Variants in PARD3 observed in about 807,000 individuals in gnomAD.
PARD3 encodes the protein par-3 family cell polarity regulator.
PARD3 carries 75 observed loss-of-function variants against 155.4 expected under a neutral mutation model. That is an observed-to-expected ratio of 0.48 (90% confidence interval 0.40 to 0.58). PARD3 has a LOEUF of 0.58. Ranked by LOEUF, PARD3 falls within the 20% of genes least tolerant of loss-of-function variation. The probability of loss-of-function intolerance (pLI) is 0.00; values close to 1 mark genes in which losing one functional copy is unlikely to be tolerated. For missense variants in PARD3, 1,642 were observed against 1,721.7 expected (o/e 0.95, Z 0.82); for synonymous variants, 576 against 610.5 (o/e 0.94, Z 0.83).
At chr10:34,360,442 C>T (rs1329685205) in intron 12 of PARD3, among the ~76,000 whole-genome samples, 183 bp from the exon 13 acceptor site, 1 of 152,164 alleles carries the variant, frequency 6.6e-6, no homozygotes, top group Non-Finnish European at 1.5e-5. Context: ...TTGGAACCAG[C>T]TGTTAATATT....
chr10:34,286,190 C>A lies in PARD3; in HGVS notation c.3066-1945G>T, dbSNP rs1025719461. The stretch of plus-strand genomic sequence containing the variant: ...GAAAAAATATTAAAAACTGATACAT[C>A]TCAGGAGAAGTCAACAACTAAAACT... On this transcript the variant is annotated intron_variant, in intron 20 of 24. Transcript: ENST00000374788. Among the ~76,000 whole-genome samples, 6 of 152,298 alleles carry A rather than the reference C, an allele frequency of 3.9e-5. No homozygotes were observed. The South Asian group carries it at 8.3e-4, about 21-fold the overall frequency.
chr10:34,769,618 C>T (rs924951680), intron 1 of PARD3, among the ~76,000 whole-genome samples: 4 of 151,784 alleles, frequency 2.6e-5, no homozygotes, highest in Admixed American at 2.6e-4. Context: ...TAGCCTGGCA[C>T]ATAGTGGCAC....
chr10:34,806,887 C>A (rs940862327), intron 1 of PARD3, among the ~76,000 whole-genome samples: 6 of 152,178 alleles, frequency 3.9e-5, no homozygotes, highest in African/African-American at 1.4e-4. Flanking sequence ...GGGAGTCCAG[C>A]CCAGCACCTC....
At chr10:34,556,194 T>C (rs564692997) in intron 2 of PARD3, among the ~76,000 whole-genome samples, 15 of 152,344 alleles carry the variant, frequency 9.8e-5, no homozygotes, top group Admixed American at 4.6e-4. Flanking sequence ...CTTTCGATGC[T>C]GGTTGAGGTT....
intron 22 of PARD3, among the ~76,000 whole-genome samples, chr10:34,242,420 T>C (rs1445343653): frequency 6.6e-6 from 1 of 151,838 alleles, no homozygotes; most frequent in Non-Finnish European, 1.5e-5. Context: ...GGAAAGACGA[T>C]GGTAGGAGGC....
Position 34,696,329 on chromosome 10 carries a change from C to T in PARD3, c.211G>A (p.Asp71Asn), listed in dbSNP as rs150855932. The change falls in exon 2 of 25, where the codon GAT becomes AAT. Residue 71 changes from aspartate (D) to asparagine (N), a missense_variant. Asp to Asn is a conservative substitution (Grantham distance 23). Around this residue, in one of 3 missense-constraint regions of PARD3, gnomAD observed 38 missense variants for 69.1 expected, o/e 0.55. Transcript: ENST00000374788. ...LDDILCDVADDKDRLVAVFDE... is the reference protein window; with the variant it reads ...LDDILCDVADNKDRLVAVFDE... ...GGACCTGAACTCACTCTGTCTTTAT[C>T]GTCTGCTACATCACAAAGAATGTCA... 6.2e-6 allele frequency: 10 copies of T among 1,603,738 alleles called. No individual in the cohort carries two copies. The highest frequency in any genetic ancestry group is 1.7e-4 in the Middle Eastern group (1 of 6,058).
chr10:34,658,717 C>A (rs1055742610), intron 2 of PARD3, among the ~76,000 whole-genome samples: 1 of 152,184 alleles, frequency 6.6e-6, no homozygotes, highest in African/African-American at 2.4e-5. Flanking sequence ...CCCCCTCCTG[C>A]CTGCCAGGCT....
At chr10:34,492,871 A>C (rs7088708) in intron 3 of PARD3, among the ~76,000 whole-genome samples, 1,552 of 152,332 alleles carry the variant, frequency 0.01, 26 homozygotes, top group African/African-American at 0.035. Context: ...CAAAACTACC[A>C]ATATAGTAGC....
intron 17 of PARD3, among the ~76,000 whole-genome samples, chr10:34,337,019 T>C (rs997857723): frequency 6.6e-6 from 1 of 152,204 alleles, no homozygotes; most frequent in Non-Finnish European, 1.5e-5. Context: ...GGACATAGCA[T>C]GATATGCATA....
At chr10:34,758,362 G>A (rs1195670286) in intron 1 of PARD3, among the ~76,000 whole-genome samples, 1 of 152,176 alleles carries the variant, frequency 6.6e-6, no homozygotes, top group East Asian at 1.9e-4. Context: ...CCCAGGTTCA[G>A]GGAGAGGTAA....
chr10:34,346,173 G>A, intron 15 of PARD3: 1 of 1,101,354 alleles, frequency 9.1e-7, no homozygotes, highest in Non-Finnish European at 1.1e-6. Flanking sequence ...CTAGCAGAAG[G>A]AAGAGGAAAC....
At chr10:34,697,035 A>AACACACACAC (rs538032384) in intron 1 of PARD3, among the ~76,000 whole-genome samples, 1 of 136,856 alleles carries the variant, frequency 7.3e-6, no homozygotes, top group African/African-American at 2.9e-5. Flanking sequence ...AAAATGCGTA[A>AACACACACAC]ACACACACAC....
rs114573584 is a variant in PARD3 at position 34,497,333 on chromosome 10, A to C, written c.403+19646T>G. ...ATTTATATAGCGTTTACATTGTGTT[A>C]GGCCTTATAAGTAATCTAGAGATTA... On this transcript the variant is annotated intron_variant, in intron 3 of 24. Transcript: ENST00000374788. 1.3e-3 allele frequency among the ~76,000 whole-genome samples: 202 copies of C among 152,366 alleles called. 1 individual carries two copies. The highest frequency in any genetic ancestry group is 4.5e-3 in the African/African-American group (187 of 41,598).
intron 1 of PARD3, among the ~76,000 whole-genome samples, chr10:34,755,046 AGAGT>A (rs1277896908): frequency 6.6e-6 from 1 of 152,182 alleles, no homozygotes; most frequent in Non-Finnish European, 1.5e-5. Context: ...TAAAACAGGC[AGAGT>A]GAGCCAAAAA....
intron 20 of PARD3, among the ~76,000 whole-genome samples, chr10:34,315,849 CAG>C (rs1378233410): frequency 3.3e-5 from 5 of 152,174 alleles, no homozygotes; most frequent in Admixed American, 3.3e-4. Flanking sequence ...CACTGAGAGA[CAG>C]AAATCTAATC....
chr10:34,343,384 A>G, intron 15 of PARD3: 8 of 983,812 alleles, frequency 8.1e-6, no homozygotes, highest in Non-Finnish European at 9.7e-6. Context: ...AAAGGGGCAT[A>G]TGATTTTTTT....
intron 22 of PARD3, among the ~76,000 whole-genome samples, chr10:34,248,407 C>A (rs896899860): frequency 4.6e-5 from 7 of 152,240 alleles, no homozygotes; most frequent in African/African-American, 1.7e-4. Context: ...GAAATTGAAT[C>A]TGTTTTTCTC....
rs190574745 is a variant in PARD3 at position 34,728,347 on chromosome 10, T to G, written c.121-31928A>C. On this transcript the variant is annotated intron_variant, in intron 1 of 24. Coordinates refer to ENST00000374788, the MANE Select transcript of PARD3 (RefSeq NM_001184785.2). Reference sequence around the variant, plus strand: ...GTATCTAAAGGATTCTGACGCTAAATGTCATTTCTGAACGTTTTTGTAATT... The same window carrying G: ...GTATCTAAAGGATTCTGACGCTAAAGGTCATTTCTGAACGTTTTTGTAATT... Among the ~76,000 whole-genome samples, 29 of 152,326 alleles carry G rather than the reference T, an allele frequency of 1.9e-4. No individual in the cohort carries two copies. In the East Asian group the frequency reaches 3.9e-3, roughly 20 times the overall value.
Position 34,553,081 on chromosome 10 carries a change from C to G in PARD3, c.223-35922G>C, listed in dbSNP as rs529225373. Among the ~76,000 whole-genome samples, 71 of 152,272 alleles carry G rather than the reference C, an allele frequency of 4.7e-4. No homozygotes were observed. The South Asian group carries it at 0.015, about 32-fold the overall frequency. The stretch of plus-strand genomic sequence containing the variant: ...TGATTGTACTTAAGGACAGGCACAT[C>G]CTGTGTGACATCCTGGCAGAGACTT... On this transcript the variant is annotated intron_variant, in intron 2 of 24. Transcript: ENST00000374788.
Sources: gnomAD v4.1 joint callset for allele counts (sites outside exome capture counted in the v4.1 genomes callset) on GRCh38, gnomAD v4.1.1 for gene constraint, gnomAD v4.1.1 regional missense constraint, MANE v1.5 for transcripts, NCBI Gene and HGNC (gene_info 2026-07-23, HGNC 2026-07-21) for gene names.